Variants in FST observed in about 807,000 individuals in gnomAD.
The protein encoded by FST is activin-binding protein.
FST carries 6 observed loss-of-function variants against 38.4 expected under a neutral mutation model. The observed-to-expected ratio is 0.16, with a 90% CI of 0.09 to 0.31. The LOEUF (loss-of-function observed/expected upper bound fraction) is 0.31, where lower values mean the gene tolerates loss of function less well. FST is among the 10% of genes least tolerant of loss of function. FST has a pLI of 1.00. For missense variants in FST, 301 were observed against 432.3 expected (o/e 0.70, Z 2.69); for synonymous variants, 157 against 169.8 (o/e 0.92, Z 0.59).
Position 53,486,041 on chromosome 5 carries a change from A to G in FST, c.*8A>G, listed in dbSNP as rs2112349149. Reference sequence around the variant, plus strand: ...TCTATTCTAGAGTGGTAAACTCTCTATAAGTGTTCAGTGTTGACATAGCCT... The same window carrying G: ...TCTATTCTAGAGTGGTAAACTCTCTGTAAGTGTTCAGTGTTGACATAGCCT... On this transcript the variant is annotated 3_prime_UTR_variant, in exon 6 of 6. Transcript: ENST00000256759. 1.9e-6 allele frequency: 2 copies of G among 1,052,166 alleles called. No homozygotes were observed. Among genetic ancestry groups the G allele is most frequent in the South Asian group, 2.9e-5 (2 of 69,444 alleles). The allele number at this position is 1,052,166 out of a possible 1,614,324, so 65.2% of individuals were successfully genotyped here. A position where few individuals can be genotyped will look rare whatever the true frequency, so the allele number is the denominator to read the frequency against.
chr5:53,485,009 G>A lies in FST; in HGVS notation c.734G>A (p.Cys245Tyr). The A allele has an allele frequency of 6.3e-7, 1 of 1,581,192 alleles. No individual in the cohort carries two copies. Among genetic ancestry groups the A allele is most frequent in the Non-Finnish European group, 8.7e-7 (1 of 1,149,934 alleles). The change falls in exon 5 of 6, where the codon TGT becomes TAT. Residue 245 changes from cysteine (C) to tyrosine (Y), a missense_variant. Transcript: ENST00000256759. ...YEGKCIKAKSCEDIQCTGGKK... is the reference protein window; with the variant it reads ...YEGKCIKAKSYEDIQCTGGKK... ...TATTATATCCTAGAAGCAAAGTCCT[G>A]TGAAGATATCCAGTGCACTGGTGGG...
chr5:53,482,800 T>A, intron 1 of FST, 80 bp from the exon 2 acceptor site: 1 of 758,190 alleles, frequency 1.3e-6, no homozygotes, highest in Middle Eastern at 3.9e-4. Flanking sequence ...CCGGGTCTCC[T>A]TCGCTAGCCA....
intron 1 of FST, 122 bp from the exon 2 acceptor site, chr5:53,482,758 C>A: frequency 1.7e-6 from 1 of 594,996 alleles, no homozygotes. Flanking sequence ...TCTCACTTCC[C>A]CTCCTCCACG....
intron 1 of FST, chr5:53,482,594 C>T (rs930917962): frequency 2.2e-6 from 1 of 457,426 alleles, no homozygotes; most frequent in South Asian, 5.0e-5. Flanking sequence ...TGGTAACTGA[C>T]ATTGATATGG....
chr5:53,481,746 C>G (rs1045790147), intron 1 of FST, among the ~76,000 whole-genome samples: 1 of 152,182 alleles, frequency 6.6e-6, no homozygotes, highest in African/African-American at 2.4e-5. Context: ...ATTGGTGATT[C>G]ATGAGAAGTC....
intron 1 of FST, 126 bp from the exon 2 acceptor site, chr5:53,482,754 T>A (rs1294955969): frequency 2.8e-5 from 16 of 576,908 alleles, no homozygotes; most frequent in Non-Finnish European, 1.3e-5. Flanking sequence ...TCTCTCTCAC[T>A]TCCCCTCCTC....
rs1747575523 is a variant in FST, at chr5:53,486,864, A to C, written c.*831A>C. ...TTTTGTTAGGTGTTTCCTTTAAGCT[A>C]CTCAGCTGTACCTTTTAAATTAGTT... On this transcript the variant is annotated 3_prime_UTR_variant, in exon 6 of 6. Coordinates refer to ENST00000256759, the MANE Select transcript of FST (RefSeq NM_013409.3). The C allele has an allele frequency of 6.6e-6, 1 of 152,194 alleles. No individual in the cohort carries two copies. Among genetic ancestry groups the C allele is most frequent in the African/African-American group, 2.4e-5 (1 of 41,456 alleles). 9.4% of individuals were successfully genotyped at this position (152,194 alleles called of 1,614,324 possible). A position where few individuals can be genotyped will look rare whatever the true frequency, so the allele number is the denominator to read the frequency against.
chr5:53,481,253 C>T (rs1267794574), intron 1 of FST, among the ~76,000 whole-genome samples: 1 of 151,138 alleles, frequency 6.6e-6, no homozygotes, highest in African/African-American at 2.4e-5. Context: ...TCTCTCCCTC[C>T]CACATCTTTT....
rs1747521393 is a variant in FST, at chr5:53,485,926, A to G, written c.953-25A>G. ...CTGTTGTTGTCCGTATTTAAACAAC[A>G]GCTCCCCTGTATTCCCCCATCTAGC... On this transcript the variant is annotated intron_variant, in intron 5 of 5. Coordinates refer to ENST00000256759, the MANE Select transcript of FST (RefSeq NM_013409.3). The G allele has an allele frequency of 1.2e-6, 2 of 1,605,606 alleles. 1 individual carries two copies. The highest frequency in any genetic ancestry group is 2.7e-5 in the African/African-American group (2 of 74,176).
At position 53,484,188 on chromosome 5, in the gene FST, C is replaced by G. The variant is rs774094121; in HGVS notation, c.616C>G (p.Leu206Val). The stretch of plus-strand genomic sequence containing the variant: ...AGAGCCTGCTTCCTCTGAGCAATAT[C>G]TCTGTGGGAATGATGGAGTCACCTA... ...CPEPASSEQY[L>V]CGNDGVTYSS... Residue 206 changes from leucine (L) to valine (V), a missense_variant, in exon 4 of 6, where the codon CTC (leucine) becomes GTC (valine). Coordinates refer to ENST00000256759, the MANE Select transcript of FST (RefSeq NM_013409.3). 9 of 1,613,398 alleles carry G rather than the reference C, an allele frequency of 5.6e-6. No individual in the cohort carries two copies. In the South Asian group the frequency reaches 9.9e-5, roughly 18 times the overall value.
At chr5:53,485,839 T>C in intron 5 of FST, 112 bp from the exon 6 acceptor site, 1 of 1,597,120 alleles carries the variant, frequency 6.3e-7, no homozygotes, top group South Asian at 1.1e-5. Flanking sequence ...CACATAAAAA[T>C]GCAACGCTGT....
In FST at chr5:53,484,050, G is replaced by GT. The variant is rs764247086; in HGVS notation, c.497-16dup. The GT allele has an allele frequency of 6.2e-6, 10 of 1,609,018 alleles. No homozygotes were observed. The highest frequency in any genetic ancestry group is 6.8e-6 in the Non-Finnish European group (8 of 1,175,650). ...GACTAGAAGGTACCTATTCATGTGT[G>GT]TTTCCTTCTTTGTTCCAGAGACTTG... On this transcript the variant is annotated intron_variant, in intron 3 of 5. Transcript: ENST00000256759.
intron 1 of FST, among the ~76,000 whole-genome samples, chr5:53,481,481 A>AAAAAAAAC (rs1382975044): frequency 6.7e-6 from 1 of 150,280 alleles, no homozygotes; most frequent in African/African-American, 2.4e-5. Context: ...AAAAAAAAAA[A>AAAAAAAAC]AAAAAGCCAA....
intron 1 of FST, among the ~76,000 whole-genome samples, chr5:53,482,271 TTTTC>T (rs946157395): frequency 2.2e-4 from 34 of 152,002 alleles, no homozygotes; most frequent in African/African-American, 7.2e-4. Flanking sequence ...TTCTTCCTTT[TTTTC>T]TTTCTTTCTC....
At position 53,486,139 on chromosome 5, in the gene FST, G is replaced by C; in HGVS notation, c.*106G>C. 1 of 592,262 alleles carries C rather than the reference G, an allele frequency of 1.7e-6. No homozygotes were observed. The highest frequency in any genetic ancestry group is 2.7e-5 in the South Asian group (1 of 37,276). The allele number at this position is 592,262 out of a possible 1,614,324, so 36.7% of individuals were successfully genotyped here. ...TATATTGTCCATACTGTAAATAAGT[G>C]TATGCTTATTTATTTGGGGGGAAAA... On this transcript the variant is annotated 3_prime_UTR_variant, in exon 6 of 6. Coordinates refer to ENST00000256759, the MANE Select transcript of FST (RefSeq NM_013409.3).
Position 53,482,938 on chromosome 5 carries a change from C to G in FST, c.144C>G (p.Thr48=). Residue 48 remains threonine (T), a synonymous_variant, in exon 2 of 6, where the codon ACC becomes ACG. Transcript: ENST00000256759. ...GCCGCTGCCAGGTCCTGTACAAGAC[C>G]GAACTGAGCAAGGAGGAGTGCTGCA... ...KNGRCQVLYK[T]ELSKEECCST... is the part of the protein sequence containing the mutation. The G allele has an allele frequency of 1.2e-6, 2 of 1,613,386 alleles. No homozygotes were observed. The highest frequency in any genetic ancestry group is 1.7e-6 in the Non-Finnish European group (2 of 1,179,340).
At chr5:53,482,783 A>G in intron 1 of FST, 97 bp from the exon 2 acceptor site, 1 of 551,994 alleles carries the variant, frequency 1.8e-6, no homozygotes, top group South Asian at 2.7e-5. Context: ...CCCCCTCCCC[A>G]TCCCCGCCGG....
At position 53,481,004 on chromosome 5, in the gene FST, G is replaced by A. The variant is rs1253398066; in HGVS notation, c.85+128G>A. 8.0e-6 allele frequency: 3 copies of A among 373,772 alleles called. No homozygotes were observed. The East Asian group carries it at 1.3e-4, about 16-fold the overall frequency. 23.2% of individuals were successfully genotyped at this position (373,772 alleles called of 1,614,324 possible). The stretch of plus-strand genomic sequence containing the variant: ...GATGTTGAACCAACTTGGGGACTCC[G>A]GGATGGAGAGGAGTGGGAAAATTGT... On this transcript the variant is annotated intron_variant, in intron 1 of 5. Transcript: ENST00000256759.
chr5:53,486,703 C>G lies in FST; in HGVS notation c.*670C>G, dbSNP rs1056958683. The G allele has an allele frequency of 6.6e-6, 1 of 152,136 alleles. No homozygotes were observed. Among genetic ancestry groups the G allele is most frequent in the Non-Finnish European group, 1.5e-5 (1 of 68,030 alleles). 9.4% of individuals were successfully genotyped at this position (152,136 alleles called of 1,614,324 possible). On this transcript the variant is annotated 3_prime_UTR_variant, in exon 6 of 6. Transcript: ENST00000256759. ...CTTTGAGGAAACTCCTACTTCAGTT[C>G]TTTTGTTATGATGAAGACATTTGTG...
Sources: gnomAD v4.1 joint callset for allele counts (sites outside exome capture counted in the v4.1 genomes callset) on GRCh38, gnomAD v4.1.1 for gene constraint, MANE v1.5 for transcripts, NCBI Gene and HGNC (gene_info 2026-07-23, HGNC 2026-07-21) for gene names.